UBE3A: variants seen among roughly 807,000 people sequenced by gnomAD.
UBE3A encodes ubiquitin protein ligase E3A.
A neutral mutation model predicts 83.4 loss-of-function variants in UBE3A; 6 were observed. The observed-to-expected ratio is 0.07, with a 90% CI of 0.04 to 0.14. The LOEUF is 0.14. Among genes scored for constraint, UBE3A ranks in the 10% least tolerant of loss-of-function variants. The probability of loss-of-function intolerance (pLI) is 1.00; values close to 1 mark genes in which losing one functional copy is unlikely to be tolerated. For synonymous variants in UBE3A, 337 were observed against 355.4 expected, an observed-to-expected ratio of 0.95 and a Z score of 0.58; for missense variants, 456 against 1,036.1, an observed-to-expected ratio of 0.44 and a Z score of 7.69.
chr15:25,410,996 TTAATTGAC>T (rs1337089215), intron 2 of UBE3A, among the ~76,000 whole-genome samples: 1 of 152,186 alleles, frequency 6.6e-6, no homozygotes, highest in Non-Finnish European at 1.5e-5. Flanking sequence ...AAAATATCTT[TTAATTGAC>T]TAATTGACCT....
At chr15:25,411,237 G>A (rs2089933945) in intron 2 of UBE3A, among the ~76,000 whole-genome samples, 3 of 152,194 alleles carry the variant, frequency 2.0e-5, no homozygotes, top group Admixed American at 2.0e-4. Context: ...CTATTCCATA[G>A]AGCTGTCATG....
chr15:25,373,335 C>CA (rs1383339412), intron 5 of UBE3A, among the ~76,000 whole-genome samples: 1 of 152,170 alleles, frequency 6.6e-6, no homozygotes, highest in Non-Finnish European at 1.5e-5. Flanking sequence ...GCTTTGCATG[C>CA]AGTAATATGG....
intron 1 of UBE3A, 125 bp from the exon 2 acceptor site, chr15:25,412,096 CG>C (rs1204631633): frequency 6.6e-6 from 1 of 152,092 alleles, no homozygotes; most frequent in Admixed American, 6.6e-5. Context: ...CATCCAAAAA[CG>C]TATCAAGAAA....
intron 7 of UBE3A, among the ~76,000 whole-genome samples, chr15:25,359,487 C>A (rs901396449): frequency 2.8e-5 from 4 of 144,986 alleles, no homozygotes; most frequent in Non-Finnish European, 6.0e-5. Flanking sequence ...ACAGAAAGGT[C>A]AACTCAATTA....
intron 5 of UBE3A, among the ~76,000 whole-genome samples, chr15:25,372,911 C>T (rs1386268751): frequency 6.6e-6 from 1 of 152,016 alleles, no homozygotes; most frequent in Non-Finnish European, 1.5e-5. Context: ...ATATATGTTT[C>T]ACAATGAAAG....
chr15:25,333,776 C>T lies in UBE3A; in HGVS notation c.*5361G>A, dbSNP rs2073832905. The T allele has an allele frequency of 6.6e-6, 1 of 151,384 alleles. No homozygotes were observed. The highest frequency in any genetic ancestry group is 1.5e-5 in the Non-Finnish European group (1 of 67,838). 9.4% of individuals were successfully genotyped at this position (151,384 alleles called of 1,614,324 possible). On this transcript the variant is annotated 3_prime_UTR_variant, in exon 13 of 13. Coordinates refer to ENST00000648336, the MANE Select transcript of UBE3A (RefSeq NM_130839.5). The stretch of plus-strand genomic sequence containing the variant: ...ATGTAGCATGGACAACTGAGATTAT[C>T]CCAGGAATGCAAAGTTAATTCAATA...
chr15:25,387,440 T>C (rs911640407), intron 4 of UBE3A, among the ~76,000 whole-genome samples: 1 of 151,820 alleles, frequency 6.6e-6, no homozygotes. Context: ...GAGAATGGCG[T>C]GAACCCGGGA....
intron 4 of UBE3A, among the ~76,000 whole-genome samples, chr15:25,390,397 T>C (rs1204218603): frequency 1.3e-5 from 2 of 152,190 alleles, no homozygotes; most frequent in Non-Finnish European, 2.9e-5. Flanking sequence ...GCAACCACAA[T>C]GTCCTTCATT....
chr15:25,428,378 G>C (rs1892040051), intron 1 of UBE3A, among the ~76,000 whole-genome samples: 3 of 152,050 alleles, frequency 2.0e-5, no homozygotes, highest in African/African-American at 7.2e-5. Context: ...AATATAAAAA[G>C]AGGATTTCTT....
At chr15:25,421,802 G>A (rs1254969944) in intron 1 of UBE3A, 1 of 152,112 alleles carries the variant, frequency 6.6e-6, no homozygotes, top group Non-Finnish European at 1.5e-5. Context: ...ATTAAAGACT[G>A]AGAACATCAA....
intron 4 of UBE3A, among the ~76,000 whole-genome samples, chr15:25,383,872 G>C (rs775251828): frequency 3.1e-4 from 47 of 151,818 alleles, no homozygotes; most frequent in Non-Finnish European, 5.9e-5. Context: ...AGAAATGAAA[G>C]GTATTAAATG....
At chr15:25,377,584 G>A (rs1019121431) in intron 4 of UBE3A, among the ~76,000 whole-genome samples, 2 of 152,174 alleles carry the variant, frequency 1.3e-5, no homozygotes, top group African/African-American at 4.8e-5. Flanking sequence ...GGGAGATAAT[G>A]TCATGTTCTC....
Position 25,370,025 on chromosome 15 carries a change from C to T in UBE3A, c.1608+541G>A, listed in dbSNP as rs748509777. Among the ~76,000 whole-genome samples, 1 of 152,146 alleles carries T rather than the reference C, an allele frequency of 6.6e-6. No individual in the cohort carries two copies. The highest frequency in any genetic ancestry group is 6.6e-5 in the Admixed American group (1 of 15,264). ...AGAAACTACCACAGCCAGGCAGTGC[C>T]GTCCACACAGGGATATTCTAAGTGG... On this transcript the variant is annotated intron_variant, in intron 6 of 12. Coordinates refer to ENST00000648336, the MANE Select transcript of UBE3A (RefSeq NM_130839.5). This position sits in a 1 kb window ranked among gnomAD's most constrained non-coding sequence, Gnocchi z 4.2.
chr15:25,386,978 G>T (rs2083279124), intron 4 of UBE3A, among the ~76,000 whole-genome samples: 1 of 152,048 alleles, frequency 6.6e-6, no homozygotes, highest in South Asian at 2.1e-4. Context: ...TCAAAAGAAG[G>T]AAACACTGAA....
chr15:25,350,122 A>T (rs1442225741), intron 11 of UBE3A, among the ~76,000 whole-genome samples: 1 of 152,008 alleles, frequency 6.6e-6, no homozygotes, highest in Non-Finnish European at 1.5e-5. Context: ...ACCAACTAAA[A>T]ATTAGCTGCA....
chr15:25,390,268 T>C (rs578134727), intron 4 of UBE3A, among the ~76,000 whole-genome samples: 4 of 152,186 alleles, frequency 2.6e-5, no homozygotes, highest in Admixed American at 6.5e-5. Flanking sequence ...ACTTTTACCA[T>C]AAGATCCAGC....
rs34285975 is a variant in UBE3A at position 25,409,523 on chromosome 15, TA to T, written c.-100-317del. The T allele has an allele frequency of 0.13, 18,299 of 145,030 alleles. 1,130 individuals are homozygous for T. Among genetic ancestry groups the T allele is most frequent in the Middle Eastern group, 0.23 (65 of 282 alleles). 9.0% of individuals were successfully genotyped at this position (145,030 alleles called of 1,614,324 possible). A position where few individuals can be genotyped will look rare whatever the true frequency, so the allele number is the denominator to read the frequency against. ...TCAAGACAGATAATATACTAAGAAT[TA>T]AAAAAAAAAAAAATTAAGCAGCCTC... On this transcript the variant is annotated intron_variant, in intron 2 of 12. Transcript: ENST00000648336.
intron 6 of UBE3A, among the ~76,000 whole-genome samples, chr15:25,364,632 G>GTTTTT (rs80152524): frequency 5.8e-5 from 7 of 121,176 alleles, no homozygotes; most frequent in African/African-American, 2.5e-4. Flanking sequence ...GATTTTTAGG[G>GTTTTT]TTTTTTTTGT....
At chr15:25,396,806 C>T (rs532786868) in intron 4 of UBE3A, among the ~76,000 whole-genome samples, 1 of 151,862 alleles carries the variant, frequency 6.6e-6, no homozygotes, top group Admixed American at 6.6e-5. Context: ...TTACTATGCT[C>T]TTCTACATCC....
Sources: gnomAD v4.1 joint callset for allele counts (sites outside exome capture counted in the v4.1 genomes callset) on GRCh38, gnomAD v4.1.1 for gene constraint, Gnocchi (gnomAD v3.1) non-coding constraint, MANE v1.5 for transcripts, NCBI Gene and HGNC (gene_info 2026-07-23, HGNC 2026-07-21) for gene names.